Variants in KDM2B observed in about 807,000 individuals in gnomAD.
KDM2B encodes the protein lysine-specific demethylase 2B.
A neutral mutation model predicts 150.0 loss-of-function variants in KDM2B; 26 were observed. The observed-to-expected ratio is 0.17, with a 90% CI of 0.13 to 0.24. The LOEUF (loss-of-function observed/expected upper bound fraction) is 0.24. KDM2B is among the 10% of genes least tolerant of loss of function. KDM2B has a pLI of 1.00. For missense variants in KDM2B, 1,265 were observed against 1,816.9 expected (o/e 0.70, Z 5.52); for synonymous variants, 734 against 729.5 (o/e 1.01, Z -0.10).
Position 121,530,910 on chromosome 12 carries a change from T to G in KDM2B, c.931+1896A>C, listed in dbSNP as rs114117650. On this transcript the variant is annotated intron_variant, in intron 8 of 22. Transcript: ENST00000377071. ...TCAGAGGATGGGGTTGGGAGGGAAC[T>G]TGAGGGTCCCAGAGTTCAGCTCCAC... 6.8e-3 allele frequency among the ~76,000 whole-genome samples: 1,040 copies of G among 152,102 alleles called. 18 individuals carry two copies. The highest frequency in any genetic ancestry group is 0.023 in the African/African-American group (975 of 41,496).
intron 4 of KDM2B, among the ~76,000 whole-genome samples, chr12:121,565,474 C>G (rs372700152): frequency 6.6e-6 from 1 of 152,140 alleles, no homozygotes; most frequent in Admixed American, 6.5e-5. Context: ...TGTGCCACCA[C>G]GCCCAGCTAA....
At chr12:121,417,530 T>C in the KDM2B span, 1 of 1,613,408 alleles carries the variant, frequency 6.2e-7, no homozygotes, top group Non-Finnish European at 8.5e-7. The surrounding 1 kb of genome is among the most constrained non-coding windows in gnomAD (Gnocchi z 5.0). Context: ...GCAAGAAGGA[T>C]TTTTGCTCCG....
chr12:121,502,638 C>T (rs1884675543), intron 11 of KDM2B, among the ~76,000 whole-genome samples: 2 of 150,576 alleles, frequency 1.3e-5, no homozygotes, highest in Non-Finnish European at 3.0e-5. Flanking sequence ...AAGGTATCAC[C>T]TGGCTGGATG....
intron 14 of KDM2B, chr12:121,445,045 C>G: frequency 3.7e-6 from 2 of 533,858 alleles, no homozygotes; most frequent in Non-Finnish European, 6.6e-6. Flanking sequence ...CTCTCTGGTT[C>G]TGACATCCTG....
At chr12:121,487,056 C>A (rs1403420254) in intron 12 of KDM2B, among the ~76,000 whole-genome samples, 3 of 152,150 alleles carry the variant, frequency 2.0e-5, no homozygotes, top group African/African-American at 7.2e-5. Flanking sequence ...GGGAGGATCG[C>A]TTGAGCCCAG....
In KDM2B at chr12:121,513,383, T is replaced by C; in HGVS notation, c.1067A>G (p.Tyr356Cys). The C allele has an allele frequency of 1.2e-6, 2 of 1,611,174 alleles. No individual in the cohort carries two copies. Among genetic ancestry groups the C allele is most frequent in the Non-Finnish European group, 1.7e-6 (2 of 1,178,008 alleles). Residue 356 changes from tyrosine (Y) to cysteine (C), a missense_variant, in exon 10 of 23, where the codon TAC becomes TGC. Tyr to Cys is a radical substitution (Grantham distance 194). This residue lies in a region of KDM2B where 214 missense variants were observed against 447.4 expected (regional missense o/e 0.48). Transcript: ENST00000377071. This position sits in a 1 kb window ranked among gnomAD's most constrained non-coding sequence, Gnocchi z 5.0. ...DRTRVQPKFR[Y>C]PFYYEMCWYV... ...CCAGCACATCTCATAGTAGAAGGGG[T>C]AACGGAATTTGGGCTGCACCTGAAA...
At chr12:121,524,634 A>G (rs1555306463) in intron 8 of KDM2B, 2 of 439,316 alleles carry the variant, frequency 4.6e-6, no homozygotes, top group Admixed American at 4.9e-5. Flanking sequence ...CTCAGTAAGA[A>G]GGAGGTGTGG....
At chr12:121,464,283 G>A (rs1395880452) in intron 12 of KDM2B, among the ~76,000 whole-genome samples, 7 of 152,212 alleles carry the variant, frequency 4.6e-5, no homozygotes, top group African/African-American at 1.7e-4. Flanking sequence ...CCTCCTTTAG[G>A]AGACACCTCT....
intron 12 of KDM2B, among the ~76,000 whole-genome samples, chr12:121,455,397 C>T (rs12578479): frequency 6.6e-6 from 1 of 152,224 alleles, no homozygotes; most frequent in African/African-American, 2.4e-5. Flanking sequence ...CACCAGTCAC[C>T]TGGGTAAAGG....
chr12:121,440,298 A>G, intron 21 of KDM2B: 1 of 569,038 alleles, frequency 1.8e-6, no homozygotes, highest in Non-Finnish European at 3.1e-6. Context: ...ACCTAGAAAC[A>G]CTATGCCCAC....
intron 4 of KDM2B, among the ~76,000 whole-genome samples, chr12:121,563,603 C>T (rs782332898): frequency 7.5e-5 from 11 of 145,874 alleles, no homozygotes; most frequent in Non-Finnish European, 1.5e-4. Flanking sequence ...TGAGACTCTG[C>T]CAAAAAAAAA....
intron 19 of KDM2B, among the ~76,000 whole-genome samples, 168 bp from the exon 20 acceptor site, chr12:121,441,401 C>T (rs1875011180): frequency 6.6e-6 from 1 of 152,136 alleles, no homozygotes; most frequent in Non-Finnish European, 1.5e-5. Flanking sequence ...GGGCACCTCC[C>T]ACCTGCTCTA....
At chr12:121,540,842 T>C (rs1478284987) in intron 6 of KDM2B, among the ~76,000 whole-genome samples, 1 of 151,652 alleles carries the variant, frequency 6.6e-6, no homozygotes. Flanking sequence ...GTGAACACTC[T>C]TCCACATCCA....
intron 12 of KDM2B, among the ~76,000 whole-genome samples, chr12:121,454,602 G>A (rs1364012461): frequency 6.6e-6 from 1 of 152,152 alleles, no homozygotes; most frequent in Non-Finnish European, 1.5e-5. Context: ...AGCTTTTCTT[G>A]TCTGTGGCAT....
At chr12:121,432,835 C>T (rs1555285856) in intron 22 of KDM2B, among the ~76,000 whole-genome samples, 2 of 152,220 alleles carry the variant, frequency 1.3e-5, no homozygotes, top group Non-Finnish European at 2.9e-5. Flanking sequence ...TATTTTTCCC[C>T]TGTAATGTTT....
At chr12:121,422,027 GGCT>G in the KDM2B span, among the ~76,000 whole-genome samples, 3 of 152,220 alleles carry the variant, frequency 2.0e-5, no homozygotes, top group Non-Finnish European at 2.9e-5. Flanking sequence ...AGAGGTCGTA[GGCT>G]GCTGGCTGGG....
chr12:121,516,539 C>CGGTTGCTCAACATTATTTGTTGACAGA, intron 9 of KDM2B: 1 of 1,434,244 alleles, frequency 7.0e-7, no homozygotes, highest in Non-Finnish European at 9.1e-7. Context: ...ATTAAACATA[C>CGGTTGCTCAACATTATTTGTTGACAGA]GGTTGCTCAA....
At chr12:121,484,209 A>G (rs569897462) in intron 12 of KDM2B, among the ~76,000 whole-genome samples, 1 of 152,078 alleles carries the variant, frequency 6.6e-6, no homozygotes, top group Admixed American at 6.6e-5. Flanking sequence ...AGCAGTCCAT[A>G]AGGAGGGTGA....
chr12:121,573,169 G>A (rs1471862545), intron 4 of KDM2B, among the ~76,000 whole-genome samples: 1 of 147,316 alleles, frequency 6.8e-6, no homozygotes, highest in African/African-American at 2.5e-5. Context: ...ATGTTGCCCA[G>A]GCTGGTCTCA....
Sources: allele counts gnomAD v4.1 joint callset (sites outside exome capture counted in the v4.1 genomes callset), GRCh38; gene constraint gnomAD v4.1.1; regional missense constraint gnomAD v4.1.1; non-coding constraint Gnocchi (gnomAD v3.1); transcripts MANE v1.5; gene names NCBI Gene and HGNC (gene_info 2026-07-23, HGNC 2026-07-21).